The following MAP4 variants were observed in gnomAD, a reference collection of about 807,000 sequenced individuals.
The protein encoded by MAP4 is microtubule associated protein 4.
In MAP4, 76 loss-of-function variants were observed where a neutral mutation model predicts 170.2. The observed-to-expected ratio is 0.45, with a 90% CI of 0.37 to 0.54. MAP4 has a LOEUF of 0.54. Ranked by LOEUF, MAP4 falls within the 20% of genes least tolerant of loss-of-function variation. MAP4 has a pLI of 0.00. For missense variants in MAP4, 2,506 were observed against 2,748.0 expected, an observed-to-expected ratio of 0.91 and a Z score of 1.97; for synonymous variants, 909 against 994.5, an observed-to-expected ratio of 0.91 and a Z score of 1.62.
intron 1 of MAP4, among the ~76,000 whole-genome samples, chr3:48,057,653 A>G (rs1174397596): frequency 6.6e-6 from 1 of 150,726 alleles, no homozygotes; most frequent in Non-Finnish European, 1.5e-5. Context: ...AAAGAAAAAA[A>G]AAAAAAAGTA....
At chr3:47,865,516 G>GAA (rs140128267) in intron 17 of MAP4, among the ~76,000 whole-genome samples, 3 of 151,998 alleles carry the variant, frequency 2.0e-5, no homozygotes, top group African/African-American at 7.3e-5. Context: ...GGGGCAGGAA[G>GAA]GAGTTGTGTG....
intron 3 of MAP4, among the ~76,000 whole-genome samples, chr3:47,966,227 CCTT>C (rs1559629564): frequency 3.8e-4 from 32 of 83,182 alleles, no homozygotes; most frequent in African/African-American, 1.2e-3. Flanking sequence ...GCCCACACTA[CCTT>C]TTTTTTTTTT....
At chr3:47,893,558 T>C (rs1259834587) in intron 10 of MAP4, among the ~76,000 whole-genome samples, 2 of 152,132 alleles carry the variant, frequency 1.3e-5, no homozygotes, top group Non-Finnish European at 2.9e-5. Flanking sequence ...AAATATTGTA[T>C]ATTCAAACTG....
intron 2 of MAP4, among the ~76,000 whole-genome samples, chr3:47,978,658 C>T (rs1485893223): frequency 6.6e-6 from 1 of 151,858 alleles, no homozygotes; most frequent in African/African-American, 2.4e-5. Context: ...CACAGGAAAT[C>T]CAGGGTACCA....
chr3:47,876,016 T>C, intron 11 of MAP4, 116 bp from the exon 12 acceptor site: 1 of 756,948 alleles, frequency 1.3e-6, no homozygotes, highest in Non-Finnish European at 2.2e-6. Flanking sequence ...AGTAAAATTA[T>C]AAGCAATGAG....
At chr3:48,015,305 A>G (rs2100107238) in intron 1 of MAP4, among the ~76,000 whole-genome samples, 1 of 152,028 alleles carries the variant, frequency 6.6e-6, no homozygotes, top group Non-Finnish European at 1.5e-5. Flanking sequence ...GCGGTTATGG[A>G]CAAGACAAGG....
intron 4 of MAP4, among the ~76,000 whole-genome samples, chr3:47,925,909 C>G (rs1221393724): frequency 6.6e-6 from 1 of 152,184 alleles, no homozygotes; most frequent in African/African-American, 2.4e-5. Context: ...AGCTGGAGTA[C>G]AATGGCACGA....
chr3:48,020,070 G>T (rs1025202480), upstream of MAP4, among the ~76,000 whole-genome samples: 3 of 152,024 alleles, frequency 2.0e-5, no homozygotes, highest in African/African-American at 7.2e-5. Flanking sequence ...ATTTTTAGTA[G>T]AGACAGGGTT....
In MAP4 at chr3:47,870,846, C is replaced by A; in HGVS notation, c.6261G>T (p.Thr2087=). Reference sequence around the variant, plus strand: ...CTCCAGGCTGATGCTTGATGTTTTCCGTGGAGCCAACCTTGGAGCGGACAT... The same window carrying A: ...CTCCAGGCTGATGCTTGATGTTTTCAGTGGAGCCAACCTTGGAGCGGACAT... ...LKNVRSKVGS[T]ENIKHQPGGG... Residue 2087 remains threonine (T), a synonymous_variant, in exon 15 of 21, where the codon ACG becomes ACT. Coordinates refer to ENST00000683076, the MANE Select transcript of MAP4 (RefSeq NM_001385682.1). The A allele has an allele frequency of 6.3e-7, 1 of 1,588,626 alleles. No homozygotes were observed. The highest frequency in any genetic ancestry group is 8.6e-7 in the Non-Finnish European group (1 of 1,165,186).
intron 16 of MAP4, among the ~76,000 whole-genome samples, chr3:47,868,112 G>A (rs534481133): frequency 3.3e-4 from 51 of 152,272 alleles, no homozygotes; most frequent in African/African-American, 1.2e-3. Context: ...CAGCAAGGAC[G>A]CCCAATCCTG....
At chr3:47,977,434 G>A (rs1182270996) in intron 3 of MAP4, among the ~76,000 whole-genome samples, 1 of 152,084 alleles carries the variant, frequency 6.6e-6, no homozygotes, top group African/African-American at 2.4e-5. Flanking sequence ...AAACACACTG[G>A]GGGCAAAATA....
intron 3 of MAP4, among the ~76,000 whole-genome samples, chr3:47,934,393 C>T (rs918529987): frequency 2.0e-5 from 3 of 152,160 alleles, no homozygotes; most frequent in African/African-American, 7.2e-5. Flanking sequence ...AACTCCGTCT[C>T]CCAGGCTCAA....
intron 1 of MAP4, among the ~76,000 whole-genome samples, chr3:48,088,471 G>A (rs1579963548): frequency 6.6e-6 from 1 of 152,066 alleles, no homozygotes; most frequent in Non-Finnish European, 1.5e-5. Context: ...GCCCCATCCA[G>A]AGCCCAAGGC....
In MAP4 at chr3:47,929,627, C is replaced by CAAAAAAA. The variant is rs71070242; in HGVS notation, c.293-1284_293-1278dup. On this transcript the variant is annotated intron_variant, in intron 3 of 20. Transcript: ENST00000683076. ...GTAGCTCACTTGCTAACTTATTATG[C>CAAAAAAA]AAAAAAAAAAAAAAAAAAAAAAAAA... Among the ~76,000 whole-genome samples, 12 of 11,206 alleles carry CAAAAAAA rather than the reference C, an allele frequency of 1.1e-3. 1 individual carries two copies. The highest frequency in any genetic ancestry group is 1.9e-3 in the Non-Finnish European group (11 of 5,668). The allele number at this position is 11,206 out of a possible 152,430, so 7.4% of individuals were successfully genotyped here.
intron 4 of MAP4, among the ~76,000 whole-genome samples, chr3:47,927,964 A>G (rs2100047021): frequency 6.6e-6 from 1 of 152,246 alleles, no homozygotes; most frequent in Non-Finnish European, 1.5e-5. Flanking sequence ...TTAAGGTTCT[A>G]AGGTACTATG....
chr3:47,975,393 G>A (rs2100081384), intron 3 of MAP4: 4 of 1,554,778 alleles, frequency 2.6e-6, no homozygotes, highest in Non-Finnish European at 1.7e-6. Context: ...GGTTTTAGAA[G>A]TATAACGATG....
chr3:48,047,622 A>G (rs2100125275), intron 1 of MAP4, among the ~76,000 whole-genome samples: 1 of 152,258 alleles, frequency 6.6e-6, no homozygotes, highest in Non-Finnish European at 1.5e-5. Flanking sequence ...AATTGAGGAA[A>G]CACAATAGTC....
chr3:48,042,885 A>T (rs2100122388), intron 1 of MAP4, among the ~76,000 whole-genome samples: 1 of 152,336 alleles, frequency 6.6e-6, no homozygotes, highest in South Asian at 2.1e-4. Flanking sequence ...ACAAAAGACC[A>T]CCTACTATAT....
chr3:48,037,322 AT>A (rs2100119237), intron 1 of MAP4, among the ~76,000 whole-genome samples: 1 of 152,204 alleles, frequency 6.6e-6, no homozygotes, highest in Admixed American at 6.5e-5. Context: ...TATATCAATT[AT>A]TGTCCATCTT....
Sources: allele counts gnomAD v4.1 joint callset (sites outside exome capture counted in the v4.1 genomes callset), GRCh38; gene constraint gnomAD v4.1.1; transcripts MANE v1.5; gene names NCBI Gene and HGNC (gene_info 2026-07-23, HGNC 2026-07-21).